The following IQCH variants were observed in gnomAD, a reference collection of about 807,000 sequenced individuals.
The protein encoded by IQCH is IQ motif containing H.
In IQCH, 98 loss-of-function variants were observed where a neutral mutation model predicts 117.0. That is an observed-to-expected ratio of 0.84 (90% CI 0.71 to 0.99). The LOEUF is 0.99. Ranked by LOEUF, IQCH falls within the 50% of genes least tolerant of loss-of-function variation. The pLI is 0.00. For synonymous variants in IQCH, 412 were observed against 448.2 expected, an observed-to-expected ratio of 0.92 and a Z score of 1.02; for missense variants, 1,102 against 1,243.8, an observed-to-expected ratio of 0.89 and a Z score of 1.72.
intron 15 of IQCH, among the ~76,000 whole-genome samples, chr15:67,420,390 G>A (rs1337981376): frequency 6.6e-6 from 1 of 152,152 alleles, no homozygotes; most frequent in Non-Finnish European, 1.5e-5. Flanking sequence ...TACAGGCCAA[G>A]TTTCTCTTAG....
At chr15:67,330,096 C>CT (rs1968600218) in intron 4 of IQCH, among the ~76,000 whole-genome samples, 1 of 152,112 alleles carries the variant, frequency 6.6e-6, no homozygotes, top group Non-Finnish European at 1.5e-5. Flanking sequence ...ACCATCATGT[C>CT]TTTATTTCAG....
At chr15:67,337,191 A>AAAAAAGAAAG in intron 5 of IQCH, 96 bp downstream of exon 5, 1 of 1,395,988 alleles carries the variant, frequency 7.2e-7, no homozygotes, top group Non-Finnish European at 9.9e-7. Context: ...TGGCTCAGCC[A>AAAAAAGAAAG]CTAATTCTCC....
chr15:67,279,727 G>A (rs893828977), intron 4 of IQCH, among the ~76,000 whole-genome samples: 1 of 152,192 alleles, frequency 6.6e-6, no homozygotes, highest in South Asian at 2.1e-4. Flanking sequence ...TTTTGGCTGG[G>A]TGCAGTGGCT....
intron 7 of IQCH, among the ~76,000 whole-genome samples, chr15:67,358,175 T>TTA (rs61424429): frequency 3.9e-5 from 3 of 76,266 alleles, no homozygotes; most frequent in Non-Finnish European, 7.6e-5. Context: ...TTTTTTTTTT[T>TTA]CTTTTTTAAC....
chr15:67,361,738 T>C (rs1367138500), intron 8 of IQCH, among the ~76,000 whole-genome samples: 2 of 152,162 alleles, frequency 1.3e-5, no homozygotes, highest in Non-Finnish European at 2.9e-5. Context: ...ATTTAAGAAG[T>C]TGAATAAGTT....
At chr15:67,389,332 C>G (rs1485488591) in intron 12 of IQCH, among the ~76,000 whole-genome samples, 1 of 152,154 alleles carries the variant, frequency 6.6e-6, no homozygotes, top group East Asian at 1.9e-4. Context: ...AAAGGCTGGG[C>G]CTGTCCACAG....
At chr15:67,330,610 A>G (rs1394330618) in intron 4 of IQCH, among the ~76,000 whole-genome samples, 4 of 152,192 alleles carry the variant, frequency 2.6e-5, no homozygotes, top group Non-Finnish European at 5.9e-5. Flanking sequence ...CCGGTGACCT[A>G]AGCTGTGCTT....
chr15:67,338,808 T>A (rs893513304), intron 5 of IQCH, among the ~76,000 whole-genome samples: 1 of 152,170 alleles, frequency 6.6e-6, no homozygotes, highest in Non-Finnish European at 1.5e-5. Context: ...CTCTGAACTC[T>A]ATGAACAAGG....
chr15:67,442,864 A>ATAGATAGATAGG (rs1491269009), intron 16 of IQCH, among the ~76,000 whole-genome samples: 8 of 123,660 alleles, frequency 6.5e-5, no homozygotes, highest in Non-Finnish European at 1.0e-4. Flanking sequence ...AGATAGATAG[A>ATAGATAGATAGG]TATACATATA....
chr15:67,309,879 C>A (rs1399784406), intron 4 of IQCH, among the ~76,000 whole-genome samples: 2 of 149,506 alleles, frequency 1.3e-5, no homozygotes, highest in Admixed American at 6.8e-5. Context: ...TCCGGTGTTC[C>A]CTCTTTTGTC....
chr15:67,271,966 T>C (rs1004736501), intron 3 of IQCH, among the ~76,000 whole-genome samples: 1 of 152,126 alleles, frequency 6.6e-6, no homozygotes, highest in Non-Finnish European at 1.5e-5. Flanking sequence ...ATTTGGGGTT[T>C]GGTGTGTTCT....
chr15:67,385,223 A>T lies in IQCH; in HGVS notation c.1456+204A>T, dbSNP rs1041685711. ...GTAAAATCAACTTGAATAAAAAATG[A>T]CATTTTAACCAATTTACTTGGGCAG... On this transcript the variant is annotated intron_variant, in intron 11 of 20. Coordinates refer to ENST00000335894, the MANE Select transcript of IQCH (RefSeq NM_001031715.3). The surrounding 1 kb of genome is among the most constrained non-coding windows in gnomAD (Gnocchi z 4.6). Among the ~76,000 whole-genome samples the T allele has an allele frequency of 6.6e-6, 1 of 152,178 alleles. No individual in the cohort carries two copies. The highest frequency in any genetic ancestry group is 6.6e-5 in the Admixed American group (1 of 15,264).
intron 4 of IQCH, among the ~76,000 whole-genome samples, chr15:67,283,579 T>C (rs747115189): frequency 7.9e-5 from 12 of 152,120 alleles, no homozygotes; most frequent in Non-Finnish European, 1.2e-4. Context: ...TGGGACCATG[T>C]ACGTTCTGGG....
In IQCH at chr15:67,421,310, C is replaced by A. The variant is rs781444489; in HGVS notation, c.2238C>A (p.Phe746Leu). 1 of 1,614,052 alleles carries A rather than the reference C, an allele frequency of 6.2e-7. No homozygotes were observed. Among genetic ancestry groups the A allele is most frequent in the East Asian group, 2.2e-5 (1 of 44,876 alleles). The stretch of plus-strand genomic sequence containing the variant: ...CACCAGGGGGTGTGATCGAAGCATT[C>A]CCACCTGCAGACAATGTCACCAACC... The part of the protein sequence containing the change: ...FLSQGGVIEA[F>L]PPADNVTNLT... The change falls in exon 16 of 21, where the codon TTC (phenylalanine) becomes TTA (leucine). Residue 746 changes from phenylalanine to leucine, a missense_variant. Physicochemically the swap from Phe to Leu is conservative, Grantham distance 22 (BLOSUM62 0). Transcript: ENST00000335894.
intron 9 of IQCH, 129 bp downstream of exon 9, chr15:67,372,791 C>G: frequency 1.4e-6 from 1 of 701,438 alleles, no homozygotes; most frequent in Non-Finnish European, 2.4e-6. Flanking sequence ...GACTCCCACG[C>G]CTTTCACTCC....
intron 16 of IQCH, among the ~76,000 whole-genome samples, chr15:67,444,884 C>G (rs1050034505): frequency 6.6e-6 from 1 of 152,186 alleles, no homozygotes; most frequent in Non-Finnish European, 1.5e-5. Flanking sequence ...TAGGCAATTA[C>G]TGACACCATC....
At chr15:67,397,012 A>G (rs952335121) in intron 13 of IQCH, among the ~76,000 whole-genome samples, 2 of 152,210 alleles carry the variant, frequency 1.3e-5, no homozygotes, top group African/African-American at 2.4e-5. Flanking sequence ...CTGAGCTGTT[A>G]TGTCACTTCC....
At chr15:67,371,146 C>G (rs776510955) in intron 8 of IQCH, among the ~76,000 whole-genome samples, 9 of 152,090 alleles carry the variant, frequency 5.9e-5, no homozygotes, top group Non-Finnish European at 8.8e-5. Context: ...GGTTTACTGA[C>G]GAGAACTCAG....
At chr15:67,480,560 C>T (rs1027006879) in intron 18 of IQCH, among the ~76,000 whole-genome samples, 1 of 152,154 alleles carries the variant, frequency 6.6e-6, no homozygotes, top group Non-Finnish European at 1.5e-5. Context: ...ATTACTGCAA[C>T]ATAACCCAGC....
Sources: allele counts gnomAD v4.1 joint callset (sites outside exome capture counted in the v4.1 genomes callset), GRCh38; gene constraint gnomAD v4.1.1; non-coding constraint Gnocchi (gnomAD v3.1); transcripts MANE v1.5; gene names NCBI Gene and HGNC (gene_info 2026-07-23, HGNC 2026-07-21).